ACTR3C: variants seen among roughly 807,000 people sequenced by gnomAD.
The protein encoded by ACTR3C is actin-related protein 3C.
ACTR3C carries 18 observed loss-of-function variants against 26.3 expected under a neutral mutation model. The observed-to-expected ratio is 0.68, with a 90% confidence interval of 0.47 to 1.01. The LOEUF (loss-of-function observed/expected upper bound fraction) is 1.01, where lower values mean the gene tolerates loss of function less well. Ranked by LOEUF, ACTR3C falls within the 50% of genes least tolerant of loss-of-function variation. The pLI is 0.00. For synonymous variants in ACTR3C, 55 were observed against 94.5 expected, an observed-to-expected ratio of 0.58 and a Z score of 2.42; for missense variants, 184 against 250.7, an observed-to-expected ratio of 0.73 and a Z score of 1.80.
the ACTR3C span, among the ~76,000 whole-genome samples, chr7:149,953,680 T>G: frequency 6.6e-6 from 1 of 152,182 alleles, no homozygotes; most frequent in Non-Finnish European, 1.5e-5. Context: ...TTATTCTGAA[T>G]ATGGCAGACT....
chr7:149,888,005 T>TCC, the ACTR3C span, among the ~76,000 whole-genome samples: 1 of 152,028 alleles, frequency 6.6e-6, no homozygotes, highest in Admixed American at 6.6e-5. Flanking sequence ...TCTTTTTTTT[T>TCC]CCCCCCAGTT....
At chr7:150,050,790 C>T in the ACTR3C span, among the ~76,000 whole-genome samples, 1 of 151,894 alleles carries the variant, frequency 6.6e-6, no homozygotes, top group African/African-American at 2.4e-5. Context: ...GCACACTGAA[C>T]GCGGTGCTTC....
the ACTR3C span, among the ~76,000 whole-genome samples, chr7:150,106,882 C>T: frequency 6.8e-6 from 1 of 146,326 alleles, no homozygotes; most frequent in Non-Finnish European, 1.5e-5. Context: ...TAACTGTGGT[C>T]TACTTTTCAG....
the ACTR3C span, among the ~76,000 whole-genome samples, chr7:150,172,578 T>C: frequency 1.3e-5 from 2 of 149,976 alleles, no homozygotes; most frequent in African/African-American, 2.5e-5. Context: ...CCTGGCCCTT[T>C]CAAATCTCAT....
the ACTR3C span, among the ~76,000 whole-genome samples, chr7:150,018,334 A>G: frequency 2.0e-5 from 3 of 146,812 alleles, no homozygotes; most frequent in Admixed American, 2.0e-4. Flanking sequence ...GTGAGCCACA[A>G]CTGGCCCAGG....
At chr7:150,197,186 T>G in the ACTR3C span, among the ~76,000 whole-genome samples, 1 of 152,174 alleles carries the variant, frequency 6.6e-6, no homozygotes, top group Non-Finnish European at 1.5e-5. Flanking sequence ...AAGTTTTCTC[T>G]GCACTCTTCC....
chr7:150,142,649 C>T, the ACTR3C span, among the ~76,000 whole-genome samples: 3 of 151,514 alleles, frequency 2.0e-5, no homozygotes, highest in Non-Finnish European at 2.9e-5. Flanking sequence ...CTGCCTTAGC[C>T]TCCTGAGTAG....
the ACTR3C span, among the ~76,000 whole-genome samples, chr7:150,169,635 A>G: frequency 6.6e-6 from 1 of 150,740 alleles, no homozygotes; most frequent in Non-Finnish European, 1.5e-5. Flanking sequence ...CTGGAAATTC[A>G]GGCTGAGTCA....
chr7:150,047,677 C>G, the ACTR3C span: 3 of 1,076,664 alleles, frequency 2.8e-6, no homozygotes, highest in East Asian at 5.4e-5. Flanking sequence ...CCGCCGCCGC[C>G]GCCGCCGCCG....
intron 1 of ACTR3C, chr7:150,302,741 T>C (rs1478482623): frequency 6.6e-6 from 1 of 152,102 alleles, no homozygotes; most frequent in African/African-American, 2.4e-5. Flanking sequence ...GATCTCTATG[T>C]GAAGTGTTAA....
the ACTR3C span, among the ~76,000 whole-genome samples, chr7:150,102,227 G>T: frequency 1.3e-5 from 2 of 151,596 alleles, no homozygotes; most frequent in Admixed American, 6.6e-5. Context: ...ACATTTAAGG[G>T]TCTGGGATGA....
chr7:150,074,554 C>T, the ACTR3C span, among the ~76,000 whole-genome samples: 2 of 150,354 alleles, frequency 1.3e-5, no homozygotes, highest in Non-Finnish European at 3.0e-5. Context: ...CTCACACCAC[C>T]CCAAAGCAAA....
the ACTR3C span, among the ~76,000 whole-genome samples, chr7:149,933,680 G>A: frequency 6.6e-5 from 10 of 152,180 alleles, no homozygotes; most frequent in Admixed American, 3.3e-4. Context: ...CAGAGTCTGG[G>A]TGTTGAGTTC....
At chr7:149,883,842 C>A in the ACTR3C span, among the ~76,000 whole-genome samples, 11 of 152,332 alleles carry the variant, frequency 7.2e-5, no homozygotes, top group East Asian at 2.1e-3. Context: ...ACCAAAGGAC[C>A]ATGCTGAAGA....
the ACTR3C span, among the ~76,000 whole-genome samples, chr7:150,151,126 ATTAT>A: frequency 1.7e-5 from 2 of 117,054 alleles, 1 homozygote; most frequent in Non-Finnish European, 3.6e-5. Context: ...TGAGATAATA[ATTAT>A]TTATCTCCAT....
the ACTR3C span, among the ~76,000 whole-genome samples, chr7:149,908,815 CT>C: frequency 2.0e-5 from 3 of 149,946 alleles, no homozygotes; most frequent in African/African-American, 7.4e-5. Flanking sequence ...GAGTTTCACT[CT>C]TGTCACTCAG....
the ACTR3C span, among the ~76,000 whole-genome samples, chr7:149,965,962 C>T: frequency 0.031 from 4,746 of 152,230 alleles, 224 homozygotes; most frequent in African/African-American, 0.11. Context: ...GCTTCTGAAC[C>T]GGCCACTGAC....
At chr7:150,180,711 C>T in the ACTR3C span, among the ~76,000 whole-genome samples, 1 of 149,154 alleles carries the variant, frequency 6.7e-6, no homozygotes, top group South Asian at 2.1e-4. Context: ...CGGGGTTTCA[C>T]GTGTTAGCCA....
chr7:150,197,062 G>A, the ACTR3C span, among the ~76,000 whole-genome samples: 2,776 of 152,112 alleles, frequency 0.018, 93 homozygotes, highest in African/African-American at 0.063. Flanking sequence ...TCTTTCCCAC[G>A]GCAGATTAAG....
Sources: gnomAD v4.1 joint callset for allele counts (sites outside exome capture counted in the v4.1 genomes callset) on GRCh38, gnomAD v4.1.1 for gene constraint, MANE v1.5 for transcripts, NCBI Gene and HGNC (gene_info 2026-07-23, HGNC 2026-07-21) for gene names.